ZNF526: variants seen among roughly 807,000 people sequenced by gnomAD.
ZNF526 encodes the protein zinc finger protein 526.
Under a neutral mutation model 32.4 loss-of-function variants are expected in ZNF526, and 16 were observed. The ratio of observed to expected loss-of-function variants is 0.49; its 90% CI spans 0.33 to 0.75. ZNF526 has a LOEUF of 0.75. Ranked by LOEUF, ZNF526 falls within the 30% of genes least tolerant of loss-of-function variation. ZNF526 has a pLI of 0.02. For missense variants in ZNF526, 838 were observed against 920.7 expected, an observed-to-expected ratio of 0.91 and a Z score of 1.16; for synonymous variants, 355 against 363.4, an observed-to-expected ratio of 0.98 and a Z score of 0.26.
Position 42,225,683 on chromosome 19 carries a change from C to T in ZNF526, c.1280C>T (p.Ala427Val), listed in dbSNP as rs144394848. Residue 427 changes from alanine (A) to valine (V), a missense_variant, in exon 3 of 3, where the codon GCG becomes GTG. Transcript: ENST00000301215. ...GGAGCAACAGCTCCCCCAGCTCCAG[C>T]GGAGCCCACCCCTCCACCACCACCC... ...PTGATAPPAPAEPTPPPPPPA... is the reference protein window; with the variant it reads ...PTGATAPPAPVEPTPPPPPPA... The T allele has an allele frequency of 1.1e-4, 179 of 1,612,244 alleles. No individual in the cohort carries two copies. In the African/African-American group the frequency reaches 1.7e-3, roughly 15 times the overall value.
At chr19:42,221,484 T>C (rs1271935755) in intron 1 of ZNF526, among the ~76,000 whole-genome samples, 2 of 151,380 alleles carry the variant, frequency 1.3e-5, no homozygotes, top group African/African-American at 4.9e-5. Flanking sequence ...AATACAAAAA[T>C]TATCCAGGCG....
chr19:42,223,218 G>T (rs1360940762), intron 1 of ZNF526, among the ~76,000 whole-genome samples: 9 of 152,248 alleles, frequency 5.9e-5, no homozygotes, highest in Non-Finnish European at 1.3e-4. Context: ...AAAGAGGCCA[G>T]GCTGGCTGGG....
rs1250230213 is a variant in ZNF526, at chr19:42,226,622, C to G, written c.*206C>G. 1.4e-6 allele frequency: 1 copy of G among 737,674 alleles called. No homozygotes were observed. The allele number at this position is 737,674 out of a possible 1,614,324, so 45.7% of individuals were successfully genotyped here. ...CTCTGCCTGAGGGGAAACTGAAGCTCTGAAATGCGATGTGATCTGTACCAG... is the reference window on the plus strand; with the variant it reads ...CTCTGCCTGAGGGGAAACTGAAGCTGTGAAATGCGATGTGATCTGTACCAG... On this transcript the variant is annotated 3_prime_UTR_variant, in exon 3 of 3. Transcript: ENST00000301215.
Position 42,225,360 on chromosome 19 carries a change from G to T in ZNF526, c.957G>T (p.Arg319=), listed in dbSNP as rs542278220. 1.2e-6 allele frequency: 2 copies of T among 1,613,974 alleles called. No individual in the cohort carries two copies. The highest frequency in any genetic ancestry group is 1.3e-5 in the African/African-American group (1 of 75,078). The change falls in exon 3 of 3, where the codon CGG becomes CGT. Residue 319 remains arginine (R), a synonymous_variant. Transcript: ENST00000301215. ...AGCGCAGTTTCAGCTCCGCCAACCG[G>T]CTGCAGGCTCATGGGCGGGCCCATG... The part of the protein sequence containing the change: ...QCQRSFSSAN[R]LQAHGRAHVG...
chr19:42,226,133 C>T lies in ZNF526; in HGVS notation c.1730C>T (p.Thr577Ile). Residue 577 changes from threonine to isoleucine, a missense_variant, in exon 3 of 3, where the codon ACT becomes ATT. Coordinates refer to ENST00000301215, the MANE Select transcript of ZNF526 (RefSeq NM_133444.3). The stretch of plus-strand genomic sequence containing the variant: ...AACAAGAGTCCCTACTACTGCGGGA[C>T]TTGTGGCCGCTGGTTCCGCGCCATG... ...LYNKSPYYCG[T>I]CGRWFRAMAG... is the part of the protein sequence containing the mutation. The T allele has an allele frequency of 2.5e-6, 4 of 1,606,500 alleles. No homozygotes were observed. Among genetic ancestry groups the T allele is most frequent in the Non-Finnish European group, 3.4e-6 (4 of 1,180,004 alleles).
intron 1 of ZNF526, among the ~76,000 whole-genome samples, chr19:42,223,815 CAAAAAAAAAAA>C (rs962041845): frequency 9.1e-5 from 3 of 32,926 alleles, no homozygotes; most frequent in African/African-American, 3.5e-4. Flanking sequence ...GAGTCCATCT[CAAAAAAAAAAA>C]AAAAAAAAAA....
At chr19:42,220,953 T>C (rs2036116366) in intron 1 of ZNF526, among the ~76,000 whole-genome samples, 2 of 152,150 alleles carry the variant, frequency 1.3e-5, no homozygotes, top group Non-Finnish European at 2.9e-5. Context: ...CCTGGTTGCC[T>C]ACTTCCAGGA....
chr19:42,227,097 C>T lies in ZNF526; in HGVS notation c.*681C>T, dbSNP rs1253583392. 1 of 176,194 alleles carries T rather than the reference C, an allele frequency of 5.7e-6. No homozygotes were observed. Among genetic ancestry groups the T allele is most frequent in the Non-Finnish European group, 1.4e-5 (1 of 72,630 alleles). The allele number at this position is 176,194 out of a possible 1,614,324, so 10.9% of individuals were successfully genotyped here. A position where few individuals can be genotyped will look rare whatever the true frequency, so the allele number is the denominator to read the frequency against. ...TTCAGCCTGTGTGTCCTAAAGCCTC[C>T]CTTCTCCCATACTGGGTGATGCTGG... On this transcript the variant is annotated 3_prime_UTR_variant, in exon 3 of 3. Coordinates refer to ENST00000301215, the MANE Select transcript of ZNF526 (RefSeq NM_133444.3).
intron 1 of ZNF526, among the ~76,000 whole-genome samples, chr19:42,221,286 T>C (rs1486885722): frequency 1.3e-5 from 2 of 152,002 alleles, no homozygotes; most frequent in Non-Finnish European, 2.9e-5. Flanking sequence ...TTGAGCTCAG[T>C]AGTTCGAGAC....
chr19:42,223,534 G>A (rs962113971), intron 1 of ZNF526, among the ~76,000 whole-genome samples: 2 of 152,136 alleles, frequency 1.3e-5, no homozygotes, highest in African/African-American at 4.8e-5. Context: ...CCAGCTACTC[G>A]GGAGGCTGAG....
Position 42,226,504 on chromosome 19 carries a change from G to A in ZNF526, c.*88G>A, listed in dbSNP as rs773801686. 164 of 1,582,420 alleles carry A rather than the reference G, an allele frequency of 1.0e-4. No homozygotes were observed. The highest frequency in any genetic ancestry group is 1.3e-4 in the Non-Finnish European group (146 of 1,153,494). ...AGAGAGGACCTCCTCTGACAAACTG[G>A]TCTGGTACCCACCATGTGCCAGGAT... On this transcript the variant is annotated 3_prime_UTR_variant, in exon 3 of 3. Coordinates refer to ENST00000301215, the MANE Select transcript of ZNF526 (RefSeq NM_133444.3).
chr19:42,225,687 G>GCCCCCCCC lies in ZNF526; in HGVS notation c.1287_1288insCCCCCCCC (p.Thr430ProfsTer58). 6.2e-7 allele frequency: 1 copy of GCCCCCCCC among 1,610,648 alleles called. No homozygotes were observed. The highest frequency in any genetic ancestry group is 1.7e-5 in the Admixed American group (1 of 59,752). ...CAACAGCTCCCCCAGCTCCAGCGGA[G>GCCCCCCCC]CCCACCCCTCCACCACCACCCCCTG... is the stretch of plus-strand genomic sequence containing the variant. On this transcript the variant is annotated frameshift_variant, in exon 3 of 3. Transcript: ENST00000301215. LOFTEE classifies it high-confidence loss of function.
At position 42,225,080 on chromosome 19, in the gene ZNF526, A is replaced by G. The variant is rs1568462220; in HGVS notation, c.677A>G (p.Glu226Gly). The change falls in exon 3 of 3, where the codon GAG becomes GGG. Residue 226 changes from glutamate (E) to glycine (G), a missense_variant. Transcript: ENST00000301215. Reference sequence around the variant, plus strand: ...ACCCACTTTGACTCCCTAGAGAAAGAGGAGCGCAATGGGTTGGAGGAGGAG... The same window carrying G: ...ACCCACTTTGACTCCCTAGAGAAAGGGGAGCGCAATGGGTTGGAGGAGGAG... ...QGTHFDSLEKEERNGLEEEEE... is the reference protein window; with the variant it reads ...QGTHFDSLEKGERNGLEEEEE... 1 of 1,614,200 alleles carries G rather than the reference A, an allele frequency of 6.2e-7. No homozygotes were observed.
intron 1 of ZNF526, among the ~76,000 whole-genome samples, chr19:42,221,960 G>A (rs1003613078): frequency 1.3e-5 from 2 of 152,118 alleles, no homozygotes; most frequent in African/African-American, 2.4e-5. Flanking sequence ...CACCACACCT[G>A]GCCTGGGAGC....
In ZNF526 at chr19:42,220,680, C is replaced by A. The variant is rs1452214319; in HGVS notation, c.-109+293C>A. The A allele has an allele frequency of 2.6e-5, 4 of 152,152 alleles. No homozygotes were observed. The South Asian group carries it at 8.3e-4, about 32-fold the overall frequency. The allele number at this position is 152,152 out of a possible 1,614,324, so 9.4% of individuals were successfully genotyped here. A position where few individuals can be genotyped will look rare whatever the true frequency, so the allele number is the denominator to read the frequency against. On this transcript the variant is annotated intron_variant, in intron 1 of 2. Transcript: ENST00000301215. The stretch of plus-strand genomic sequence containing the variant: ...AAGCGGGAAAGTTGAATTTCCAGGG[C>A]CCTAGTGGGTTCCTTCCTGGAAAGA...
At chr19:42,222,428 C>T (rs1486935145) in intron 1 of ZNF526, among the ~76,000 whole-genome samples, 1 of 152,126 alleles carries the variant, frequency 6.6e-6, no homozygotes, top group Non-Finnish European at 1.5e-5. Flanking sequence ...CCAGACTCCA[C>T]CTGCCCTCTG....
At chr19:42,223,060 T>C (rs1568461442) in intron 1 of ZNF526, among the ~76,000 whole-genome samples, 2 of 152,358 alleles carry the variant, frequency 1.3e-5, no homozygotes, top group Non-Finnish European at 1.5e-5. Flanking sequence ...CCAAGGGCAG[T>C]CTGGTTCCAG....
In ZNF526 at chr19:42,226,411, G is replaced by A. The variant is rs146114354; in HGVS notation, c.2008G>A (p.Val670Met). ...GCTCTTGCAGTTGGACACGGCCTTC[G>A]TGTGACGCAGCTGAAAAGCAACAAC... ...GGLLQLDTAF[V>M] Residue 670 changes from valine (V) to methionine (M), a missense_variant, in exon 3 of 3, where the codon GTG becomes ATG. Coordinates refer to ENST00000301215, the MANE Select transcript of ZNF526 (RefSeq NM_133444.3). The A allele has an allele frequency of 1.2e-4, 192 of 1,614,096 alleles. 2 individuals carry two copies. Among genetic ancestry groups the A allele is most frequent in the Middle Eastern group, 4.9e-4 (3 of 6,082 alleles).
chr19:42,223,974 A>AATATATATACATATATATATATATAT (rs2036146465), intron 1 of ZNF526, among the ~76,000 whole-genome samples: 1 of 110,624 alleles, frequency 9.0e-6, no homozygotes, highest in Non-Finnish European at 1.9e-5. Context: ...TCTCTACTAA[A>AATATATATACATATATATATATATAT]ATATATATAT....
Sources: gnomAD v4.1 joint callset for allele counts (sites outside exome capture counted in the v4.1 genomes callset) on GRCh38, gnomAD v4.1.1 for gene constraint, MANE v1.5 for transcripts, NCBI Gene and HGNC (gene_info 2026-07-23, HGNC 2026-07-21) for gene names.